KCNH7: variants seen among roughly 807,000 people sequenced by gnomAD.
The protein encoded by KCNH7 is potassium voltage-gated channel subfamily H member 7, also known as voltage-gated inwardly rectifying potassium channel KCNH7.
In KCNH7, 49 loss-of-function variants were observed where a neutral mutation model predicts 120.8. The ratio of observed to expected loss-of-function variants is 0.41; its 90% CI spans 0.32 to 0.51. KCNH7 has a LOEUF of 0.51. Ranked by LOEUF, KCNH7 falls within the 20% of genes least tolerant of loss-of-function variation. The pLI is 0.38. For synonymous variants in KCNH7, 547 were observed against 516.1 expected (o/e 1.06, Z -0.81); for missense variants, 1,097 against 1,446.6 (o/e 0.76, Z 3.92).
At chr2:162,749,177 C>T (rs2105427276) in intron 2 of KCNH7, among the ~76,000 whole-genome samples, 1 of 151,104 alleles carries the variant, frequency 6.6e-6, no homozygotes, top group East Asian at 2.0e-4. Flanking sequence ...CCCCTTTCTT[C>T]TCTTTTCCTC....
chr2:162,371,893 A>G lies in KCNH7; in HGVS notation c.3527T>C (p.Leu1176Pro). 1 of 1,613,838 alleles carries G rather than the reference A, an allele frequency of 6.2e-7. No homozygotes were observed. The highest frequency in any genetic ancestry group is 8.5e-7 in the Non-Finnish European group (1 of 1,179,794). ...AAGACCCACGATTCCTACAGTGCTT[A>G]GGGATGAATCTGGCAAAGAAGGATG... ...IRHPSLPDSS[L>P]STVGIVGLHR... Residue 1176 changes from leucine to proline, a missense_variant, in exon 16 of 16, where the codon CTA becomes CCA. By Grantham distance (98) the Leu-to-Pro change is moderately conservative (BLOSUM62 -3). Coordinates refer to ENST00000332142, the MANE Select transcript of KCNH7 (RefSeq NM_033272.4).
chr2:162,624,715 C>A (rs1226039664), intron 2 of KCNH7, among the ~76,000 whole-genome samples: 3 of 151,948 alleles, frequency 2.0e-5, no homozygotes, highest in African/African-American at 7.2e-5. Flanking sequence ...AAACTTTAAT[C>A]ATTTTTAGTA....
At chr2:162,444,149 CTG>C (rs1356320929) in intron 7 of KCNH7, among the ~76,000 whole-genome samples, 2 of 152,146 alleles carry the variant, frequency 1.3e-5, no homozygotes, top group Admixed American at 6.6e-5. Flanking sequence ...CCTTTCTGCA[CTG>C]TGTTTGTTGG....
intron 2 of KCNH7, among the ~76,000 whole-genome samples, chr2:162,752,586 A>G (rs1355833999): frequency 6.6e-6 from 1 of 152,048 alleles, no homozygotes; most frequent in African/African-American, 2.4e-5. Context: ...AAAGAGGCAC[A>G]CACACGGCAC....
chr2:162,802,088 T>G (rs891035693), intron 2 of KCNH7, among the ~76,000 whole-genome samples: 1 of 151,744 alleles, frequency 6.6e-6, no homozygotes, highest in Non-Finnish European at 1.5e-5. Flanking sequence ...TCAGATTCAG[T>G]AGGTCTTGTG....
At chr2:162,550,451 C>T (rs1240137741) in intron 2 of KCNH7, among the ~76,000 whole-genome samples, 1 of 152,110 alleles carries the variant, frequency 6.6e-6, no homozygotes, top group African/African-American at 2.4e-5. Flanking sequence ...AGTATTTATT[C>T]CCCAGATTCA....
At chr2:162,573,959 T>C (rs1693579996) in intron 2 of KCNH7, among the ~76,000 whole-genome samples, 1 of 152,004 alleles carries the variant, frequency 6.6e-6, no homozygotes, top group African/African-American at 2.4e-5. Flanking sequence ...GAATATGTTA[T>C]AAAAAGAACA....
chr2:162,390,361 C>T (rs1686709974), intron 12 of KCNH7, among the ~76,000 whole-genome samples: 1 of 151,174 alleles, frequency 6.6e-6, no homozygotes, highest in Non-Finnish European at 1.5e-5. Context: ...TACAAATATA[C>T]CCTGTATATT....
rs1227283815 is a variant in KCNH7, at chr2:162,373,468, A to G, written c.3324+2T>C. The G allele has an allele frequency of 1.3e-6, 2 of 1,516,486 alleles. No homozygotes were observed. The highest frequency in any genetic ancestry group is 1.8e-6 in the Non-Finnish European group (2 of 1,128,556). The allele number at this position is 1,516,486 out of a possible 1,614,324, so 93.9% of individuals were successfully genotyped here. A position where few individuals can be genotyped will look rare whatever the true frequency, so the allele number is the denominator to read the frequency against. ...TCTTGGTTGGATGGTATCCACACTT[A>G]CTTGTGAGGAAGGGCTGAAACTTCG... On this transcript the variant is annotated splice_donor_variant, in intron 15 of 15. Coordinates refer to ENST00000332142, the MANE Select transcript of KCNH7 (RefSeq NM_033272.4). LOFTEE classifies it high-confidence loss of function.
intron 2 of KCNH7, among the ~76,000 whole-genome samples, chr2:162,729,504 A>G (rs1274086872): frequency 1.3e-5 from 2 of 152,124 alleles, no homozygotes; most frequent in Non-Finnish European, 2.9e-5. Flanking sequence ...ATATTTGAAA[A>G]TTGATCTGGT....
chr2:162,684,148 G>GC (rs1184706265), intron 2 of KCNH7, among the ~76,000 whole-genome samples: 5 of 152,132 alleles, frequency 3.3e-5, no homozygotes, highest in Non-Finnish European at 7.3e-5. Context: ...CTAGCCATAT[G>GC]CAGAAAACTG....
intron 2 of KCNH7, among the ~76,000 whole-genome samples, chr2:162,603,536 A>G (rs1694630471): frequency 6.6e-6 from 1 of 152,138 alleles, no homozygotes; most frequent in South Asian, 2.1e-4. Context: ...AATATAACAG[A>G]ACAGTTTCTA....
intron 2 of KCNH7, among the ~76,000 whole-genome samples, chr2:162,606,777 G>A (rs78284313): frequency 0.014 from 2,097 of 152,124 alleles, 40 homozygotes; most frequent in African/African-American, 0.047. Context: ...CATTTTTAAA[G>A]TTATATATTT....
intron 2 of KCNH7, among the ~76,000 whole-genome samples, chr2:162,752,963 GA>G (rs1174863452): frequency 8.1e-5 from 9 of 110,462 alleles, no homozygotes; most frequent in Admixed American, 1.7e-4. Flanking sequence ...GAAAAGAAAA[GA>G]AAAGAAAAGA....
chr2:162,722,528 G>A (rs1687353606), intron 2 of KCNH7, among the ~76,000 whole-genome samples: 2 of 152,112 alleles, frequency 1.3e-5, no homozygotes, highest in East Asian at 1.9e-4. Flanking sequence ...GGAGTTTTCA[G>A]AATTTTTCAT....
intron 6 of KCNH7, among the ~76,000 whole-genome samples, chr2:162,482,676 G>C (rs1167300357): frequency 6.6e-6 from 1 of 152,120 alleles, no homozygotes; most frequent in Non-Finnish European, 1.5e-5. Context: ...TAAGCATTAA[G>C]CCAAAGCAAG....
At chr2:162,685,676 A>T (rs1204952524) in intron 2 of KCNH7, among the ~76,000 whole-genome samples, 1 of 151,898 alleles carries the variant, frequency 6.6e-6, no homozygotes, top group Non-Finnish European at 1.5e-5. Flanking sequence ...TACAGCAGTG[A>T]TGGAAGTGCC....
intron 8 of KCNH7, among the ~76,000 whole-genome samples, chr2:162,425,564 T>C (rs750196415): frequency 6.6e-5 from 10 of 152,186 alleles, no homozygotes; most frequent in Non-Finnish European, 1.3e-4. Context: ...GTTTTACTCA[T>C]CCTAAATGTA....
At chr2:162,807,629 C>T (rs1056522477) in intron 2 of KCNH7, among the ~76,000 whole-genome samples, 5 of 152,024 alleles carry the variant, frequency 3.3e-5, no homozygotes, top group Non-Finnish European at 7.4e-5. Context: ...GTTTATAAAC[C>T]ATGAGCCTTG....
Sources: gnomAD v4.1 joint callset for allele counts (sites outside exome capture counted in the v4.1 genomes callset) on GRCh38, gnomAD v4.1.1 for gene constraint, MANE v1.5 for transcripts, NCBI Gene and HGNC (gene_info 2026-07-23, HGNC 2026-07-21) for gene names.